The following SPATA22 variants were observed in gnomAD, a reference collection of about 807,000 sequenced individuals.
SPATA22 encodes spermatogenesis associated 22.
SPATA22 carries 29 observed loss-of-function variants against 47.8 expected under a neutral mutation model. That is an observed-to-expected ratio of 0.61 (90% CI 0.45 to 0.83). The LOEUF is 0.83. Ranked by LOEUF, SPATA22 falls within the 40% of genes least tolerant of loss-of-function variation. The probability of loss-of-function intolerance (pLI) is 0.00; values close to 1 mark genes in which losing one functional copy is unlikely to be tolerated. For missense variants in SPATA22, 410 were observed against 421.7 expected, an observed-to-expected ratio of 0.97 and a Z score of 0.24; for synonymous variants, 133 against 140.9, an observed-to-expected ratio of 0.94 and a Z score of 0.40.
At chr17:3,469,889 T>C (rs2073388313) in intron 1 of SPATA22, among the ~76,000 whole-genome samples, 1 of 151,428 alleles carries the variant, frequency 6.6e-6, no homozygotes, top group Non-Finnish European at 1.5e-5. Flanking sequence ...AGGTCAGGAG[T>C]TCAAGACCAG....
intron 1 of SPATA22, chr17:3,494,234 C>T: frequency 1.3e-6 from 1 of 742,014 alleles, no homozygotes; most frequent in South Asian, 1.4e-5. Context: ...GAACTCCTGA[C>T]CTCAGGTGAT....
intron 1 of SPATA22, among the ~76,000 whole-genome samples, chr17:3,503,853 T>C (rs1208669666): frequency 3.3e-5 from 5 of 152,204 alleles, no homozygotes; most frequent in Non-Finnish European, 7.3e-5. Context: ...ATGGGGTTAC[T>C]GTGAGGATTA....
chr17:3,440,393 A>G, intron 8 of SPATA22, 55 bp from the exon 9 acceptor site: 1 of 1,415,446 alleles, frequency 7.1e-7, no homozygotes, highest in South Asian at 1.5e-5. Context: ...CTGAATTTCA[A>G]TTTTTTAAAT....
At chr17:3,447,463 A>T (rs1184210238) in intron 6 of SPATA22, among the ~76,000 whole-genome samples, 1 of 151,358 alleles carries the variant, frequency 6.6e-6, no homozygotes, top group Non-Finnish European at 1.5e-5. Context: ...TGATGGCCAC[A>T]GTAAACCACT....
chr17:3,505,923 A>G (rs2074037108), intron 1 of SPATA22, among the ~76,000 whole-genome samples: 1 of 151,892 alleles, frequency 6.6e-6, no homozygotes, highest in African/African-American at 2.4e-5. Context: ...AAGCCTGGCT[A>G]ATTTTTATAT....
chr17:3,510,602 GT>G (rs1264245234), intron 1 of SPATA22: 3 of 152,220 alleles, frequency 2.0e-5, no homozygotes, highest in Non-Finnish European at 4.4e-5. Context: ...TGAACATAGA[GT>G]TTCGCACACA....
At chr17:3,469,730 G>A (rs12603990) in intron 1 of SPATA22, among the ~76,000 whole-genome samples, 115,022 of 152,124 alleles carry the variant, frequency 0.76, 45,158 homozygotes, top group Non-Finnish European at 0.88. Flanking sequence ...GTTGGCAAAC[G>A]TACATGCTTC....
At chr17:3,504,606 G>A (rs1183400848) in intron 1 of SPATA22, among the ~76,000 whole-genome samples, 10 of 149,552 alleles carry the variant, frequency 6.7e-5, no homozygotes, top group Admixed American at 4.0e-4. Context: ...TGCCCAAGCT[G>A]GAGAGCAATG....
intron 1 of SPATA22, among the ~76,000 whole-genome samples, chr17:3,479,832 G>A (rs982904137): frequency 9.9e-5 from 15 of 152,228 alleles, no homozygotes; most frequent in African/African-American, 2.6e-4. Flanking sequence ...AATACAAATA[G>A]ATGGAATTTT....
chr17:3,494,569 A>C, intron 1 of SPATA22: 4 of 877,110 alleles, frequency 4.6e-6, no homozygotes, highest in African/African-American at 1.7e-5. Flanking sequence ...TGATGCTCTC[A>C]TTAGACACTG....
intron 1 of SPATA22, among the ~76,000 whole-genome samples, chr17:3,492,299 T>C (rs1001258570): frequency 6.6e-6 from 1 of 152,236 alleles, no homozygotes; most frequent in Admixed American, 6.5e-5. Flanking sequence ...TACTCAAACA[T>C]AGATGGAAGT....
At chr17:3,498,389 C>A (rs555386194) in intron 1 of SPATA22, among the ~76,000 whole-genome samples, 1 of 152,212 alleles carries the variant, frequency 6.6e-6, no homozygotes, top group Non-Finnish European at 1.5e-5. Flanking sequence ...TTCTGTCACC[C>A]AGGCTGGAGT....
At position 3,486,149 on chromosome 17, in the gene SPATA22, G is replaced by C. The variant is rs367698276; in HGVS notation, c.-73-16751C>G. 2.0e-4 allele frequency among the ~76,000 whole-genome samples: 31 copies of C among 152,248 alleles called. No homozygotes were observed. The East Asian group carries it at 3.3e-3, about 16-fold the overall frequency. ...GGGTTTCATCATGTTGGCCAGGCTG[G>C]TTTCGAACTTCTGACCTCAGGTGAT... On this transcript the variant is annotated intron_variant, in intron 1 of 8. Transcript: ENST00000541913.
At position 3,440,286 on chromosome 17, in the gene SPATA22, T is replaced by C. The variant is rs1197959158; in HGVS notation, c.953A>G (p.Asn318Ser). 1 of 1,609,256 alleles carries C rather than the reference T, an allele frequency of 6.2e-7. No individual in the cohort carries two copies. Among genetic ancestry groups the C allele is most frequent in the African/African-American group, 1.3e-5 (1 of 74,798 alleles). ...GAAAATGTTCTTTTTCTGGTCATAG[T>C]TGCCAACACATCTATGAACTCGGCC... is the stretch of plus-strand genomic sequence containing the variant. ...IRGRVHRCVG[N>S]YDQKKNIFQC... The change falls in exon 9 of 9, where the codon AAC becomes AGC. Residue 318 changes from asparagine (N) to serine (S), a missense_variant. Asn to Ser is a conservative substitution (Grantham distance 46). Coordinates refer to ENST00000572969, the MANE Select transcript of SPATA22 (RefSeq NM_001170698.2).
intron 1 of SPATA22, among the ~76,000 whole-genome samples, chr17:3,506,000 C>T (rs530694980): frequency 8.5e-5 from 13 of 152,242 alleles, no homozygotes; most frequent in South Asian, 2.1e-4. Context: ...TCAGGTGATC[C>T]GCCCACCTTG....
chr17:3,487,999 A>G (rs1446064653), intron 1 of SPATA22, among the ~76,000 whole-genome samples: 3 of 152,262 alleles, frequency 2.0e-5, no homozygotes, highest in Non-Finnish European at 2.9e-5. Context: ...CATATATGCA[A>G]GAAACCTAAG....
intron 1 of SPATA22, among the ~76,000 whole-genome samples, chr17:3,494,828 G>T (rs1188701340): frequency 6.6e-6 from 1 of 152,180 alleles, no homozygotes; most frequent in Non-Finnish European, 1.5e-5. Context: ...CACATTCAGC[G>T]GGTGGGAATT....
chr17:3,441,243 G>A (rs1231514481), intron 8 of SPATA22: 1 of 151,900 alleles, frequency 6.6e-6, no homozygotes, highest in African/African-American at 2.4e-5. Flanking sequence ...GCAAACCATG[G>A]ATATGAGAAA....
chr17:3,443,140 T>C (rs373329334), intron 8 of SPATA22, 34 bp downstream of exon 8: 58 of 1,426,968 alleles, frequency 4.1e-5, no homozygotes, highest in East Asian at 1.6e-4. Flanking sequence ...TCTGTTGACA[T>C]AGGCTTCGCA....
Sources: gnomAD v4.1 joint callset for allele counts (sites outside exome capture counted in the v4.1 genomes callset) on GRCh38, gnomAD v4.1.1 for gene constraint, MANE v1.5 for transcripts, NCBI Gene and HGNC (gene_info 2026-07-23, HGNC 2026-07-21) for gene names.